WIPI2: variants seen among roughly 807,000 people sequenced by gnomAD.
WIPI2 encodes WD repeat domain, phosphoinositide interacting 2.
Under a neutral mutation model 52.3 loss-of-function variants are expected in WIPI2, and 28 were observed. That is an observed-to-expected ratio of 0.54 (90% CI 0.40 to 0.73). The LOEUF (loss-of-function observed/expected upper bound fraction) is 0.73. Ranked by LOEUF, WIPI2 falls within the 30% of genes least tolerant of loss-of-function variation. The pLI is 0.00. For missense variants in WIPI2, 506 were observed against 602.9 expected (o/e 0.84, Z 1.68); for synonymous variants, 268 against 245.0 (o/e 1.09, Z -0.88).
At chr7:5,210,126 C>T (rs993591326) in intron 3 of WIPI2, among the ~76,000 whole-genome samples, 2 of 152,174 alleles carry the variant, frequency 1.3e-5, no homozygotes, top group Non-Finnish European at 2.9e-5. Context: ...CCAGGCTGGC[C>T]TCGAACGCCT....
At chr7:5,213,665 TTTGTTGTTGTTG>T (rs149745229) in intron 3 of WIPI2, among the ~76,000 whole-genome samples, 5 of 55,870 alleles carry the variant, frequency 8.9e-5, no homozygotes, top group South Asian at 8.4e-4. Context: ...TTTTCTTTGT[TTTGTTGTTGTTG>T]TTGTTGTTGT....
In WIPI2 at chr7:5,217,793, G is replaced by A. The variant is rs116561093; in HGVS notation, c.577-129G>A. 499 of 851,344 alleles carry A rather than the reference G, an allele frequency of 5.9e-4. 4 individuals carry two copies. The African/African-American group carries it at 7.4e-3, about 13-fold the overall frequency. 52.7% of individuals were successfully genotyped at this position (851,344 alleles called of 1,614,324 possible). A position where few individuals can be genotyped will look rare whatever the true frequency, so the allele number is the denominator to read the frequency against. The stretch of plus-strand genomic sequence containing the variant: ...TGCCCAGCCCCAGTAAATCAAGTGG[G>A]TTTGGCATTTGTTTGGACCGTAATG... On this transcript the variant is annotated intron_variant, in intron 6 of 12. Transcript: ENST00000288828.
rs544319013 is a variant in WIPI2, at chr7:5,230,082, C to T, written c.1252+344C>T. On this transcript the variant is annotated intron_variant, in intron 12 of 12. Coordinates refer to ENST00000288828, the MANE Select transcript of WIPI2 (RefSeq NM_015610.4). This position sits in a 1 kb window ranked among gnomAD's most constrained non-coding sequence, Gnocchi z 4.8. The stretch of plus-strand genomic sequence containing the variant: ...GCCACCGTACCAGGCTCATTTTCTC[C>T]GTTTTTAAAGAAAATGTCATCCTGG... 3.3e-5 allele frequency among the ~76,000 whole-genome samples: 5 copies of T among 152,036 alleles called. No individual in the cohort carries two copies. Among genetic ancestry groups the T allele is most frequent in the South Asian group, 2.1e-4 (1 of 4,824 alleles).
chr7:5,225,333 G>T (rs1467740874), intron 8 of WIPI2, among the ~76,000 whole-genome samples: 2 of 152,018 alleles, frequency 1.3e-5, no homozygotes, highest in African/African-American at 4.8e-5. Flanking sequence ...TAGAGACGGG[G>T]GGTTTCACCA....
intron 4 of WIPI2, among the ~76,000 whole-genome samples, chr7:5,215,836 C>T (rs1196751282): frequency 6.6e-6 from 1 of 152,242 alleles, no homozygotes; most frequent in Non-Finnish European, 1.5e-5. Flanking sequence ...GTCTGCATGT[C>T]TACATTCATT....
At chr7:5,222,847 A>G in intron 8 of WIPI2, 175 bp downstream of exon 8, 4 of 617,278 alleles carry the variant, frequency 6.5e-6, no homozygotes, top group Non-Finnish European at 1.1e-5. Context: ...ATTGAAGAGC[A>G]CTTTCAGAAA....
chr7:5,229,859 G>A, intron 12 of WIPI2, 121 bp downstream of exon 12: 1 of 1,405,914 alleles, frequency 7.1e-7, no homozygotes, highest in African/African-American at 1.4e-5. Context: ...GACTGGTTCT[G>A]AGAACATAAG....
chr7:5,228,068 G>A, intron 10 of WIPI2, 36 bp from the exon 11 acceptor site: 2 of 1,602,666 alleles, frequency 1.2e-6, no homozygotes, highest in South Asian at 1.1e-5. Context: ...TTCTGTGACA[G>A]TTGTCTAGAA....
rs547664520 is a variant in WIPI2 at position 5,232,291 on chromosome 7, G to A, written c.*1344G>A. ...GTTTCCAGATGGTTGTCATGGTCAC[G>A]CTGGGCGAAGAGCTGGAGGGGAGTT... On this transcript the variant is annotated 3_prime_UTR_variant, in exon 13 of 13. Transcript: ENST00000288828. The A allele has an allele frequency of 4.0e-5, 16 of 398,664 alleles. No homozygotes were observed. The highest frequency in any genetic ancestry group is 8.8e-5 in the Admixed American group (2 of 22,740). 24.7% of individuals were successfully genotyped at this position (398,664 alleles called of 1,614,324 possible). A position where few individuals can be genotyped will look rare whatever the true frequency, so the allele number is the denominator to read the frequency against.
intron 3 of WIPI2, among the ~76,000 whole-genome samples, chr7:5,211,143 A>C (rs1376485908): frequency 1.3e-5 from 2 of 152,254 alleles, no homozygotes; most frequent in East Asian, 3.9e-4. Context: ...GCCCTGTGTG[A>C]CCTCAGCCAG....
intron 2 of WIPI2, among the ~76,000 whole-genome samples, chr7:5,199,326 GC>G (rs1245563473): frequency 1.3e-5 from 2 of 152,236 alleles, no homozygotes; most frequent in Non-Finnish European, 2.9e-5. Flanking sequence ...ACAGGCATGA[GC>G]CACCACATCC....
At chr7:5,201,001 C>G (rs767178884) in intron 3 of WIPI2, among the ~76,000 whole-genome samples, 5 of 152,218 alleles carry the variant, frequency 3.3e-5, no homozygotes, top group Non-Finnish European at 7.4e-5. Flanking sequence ...TCCAAAAAAG[C>G]CTTTCTTCTG....
At chr7:5,197,139 AAAAAAAAC>A (rs1781793599) in intron 2 of WIPI2, among the ~76,000 whole-genome samples, 2 of 145,542 alleles carry the variant, frequency 1.4e-5, no homozygotes, top group East Asian at 2.0e-4. Context: ...AAAAAAAAAA[AAAAAAAAC>A]CATAAAATAA....
chr7:5,194,484 G>C (rs1781644449), intron 2 of WIPI2, among the ~76,000 whole-genome samples: 1 of 152,164 alleles, frequency 6.6e-6, no homozygotes, highest in Admixed American at 6.6e-5. Context: ...CTGTCTCTTT[G>C]ATGTTCAATG....
Position 5,225,847 on chromosome 7 carries a change from C to T in WIPI2, c.765C>T (p.Ala255=), listed in dbSNP as rs1187599582. 3 of 1,613,314 alleles carry T rather than the reference C, an allele frequency of 1.9e-6. No individual in the cohort carries two copies. Among genetic ancestry groups the T allele is most frequent in the Non-Finnish European group, 2.5e-6 (3 of 1,179,854 alleles). ...VKRCVSICSL[A]FSMDGMFLSA... Reference sequence around the variant, plus strand: ...GGTGCGTGAGCATCTGCTCCCTGGCCTTCAGCATGGACGGCATGTTCCTCT... The same window carrying T: ...GGTGCGTGAGCATCTGCTCCCTGGCTTTCAGCATGGACGGCATGTTCCTCT... Residue 255 remains alanine (A), a synonymous_variant, in exon 9 of 13, where the codon GCC becomes GCT. Transcript: ENST00000288828.
At chr7:5,201,847 G>A (rs928980789) in intron 3 of WIPI2, among the ~76,000 whole-genome samples, 6 of 152,188 alleles carry the variant, frequency 3.9e-5, no homozygotes, top group African/African-American at 1.4e-4. Flanking sequence ...CTTAAAAATA[G>A]ATGATGAAAT....
intron 8 of WIPI2, among the ~76,000 whole-genome samples, chr7:5,223,807 C>T (rs1030693989): frequency 5.3e-5 from 8 of 152,202 alleles, no homozygotes; most frequent in Admixed American, 1.3e-4. Flanking sequence ...TTGCCACCCC[C>T]GCCAGCACCC....
rs1443299980 is a variant in WIPI2 at position 5,222,821 on chromosome 7, C to T, written c.740+149C>T. 9 of 744,806 alleles carry T rather than the reference C, an allele frequency of 1.2e-5. No homozygotes were observed. The East Asian group carries it at 1.3e-4, about 11-fold the overall frequency. The allele number at this position is 744,806 out of a possible 1,614,324, so 46.1% of individuals were successfully genotyped here. A position where few individuals can be genotyped will look rare whatever the true frequency, so the allele number is the denominator to read the frequency against. ...GGGTCACCGGGTAAGATCTGGGCGT[C>T]GGTCTTGTCATGGGAATTGAAGAGC... On this transcript the variant is annotated intron_variant, in intron 8 of 12. Coordinates refer to ENST00000288828, the MANE Select transcript of WIPI2 (RefSeq NM_015610.4).
intron 8 of WIPI2, among the ~76,000 whole-genome samples, chr7:5,223,866 G>C (rs1371173663): frequency 6.6e-6 from 1 of 152,218 alleles, no homozygotes; most frequent in Non-Finnish European, 1.5e-5. Flanking sequence ...CGCCTGAATG[G>C]TGCCTCCAGG....
Sources: gnomAD v4.1 joint callset for allele counts (sites outside exome capture counted in the v4.1 genomes callset) on GRCh38, gnomAD v4.1.1 for gene constraint, Gnocchi (gnomAD v3.1) non-coding constraint, MANE v1.5 for transcripts, NCBI Gene and HGNC (gene_info 2026-07-23, HGNC 2026-07-21) for gene names.